Variants in CCDC61 observed in about 807,000 individuals in gnomAD.
The protein encoded by CCDC61 is centrosomal protein CCDC61.
Under a neutral mutation model 63.0 loss-of-function variants are expected in CCDC61, and 55 were observed. The observed-to-expected ratio is 0.87, with a 90% CI of 0.70 to 1.09. CCDC61 has a LOEUF of 1.09. CCDC61 is among the 50% of genes least tolerant of loss of function. The pLI, the probability that CCDC61 is intolerant of heterozygous loss-of-function variation, is 0.00. For synonymous variants in CCDC61, 270 were observed against 317.0 expected (o/e 0.85, Z 1.58); for missense variants, 651 against 731.4 (o/e 0.89, Z 1.27).
intron 5 of CCDC61, among the ~76,000 whole-genome samples, chr19:46,014,103 ACATT>A (rs1364208393): frequency 6.6e-6 from 1 of 152,116 alleles, no homozygotes; most frequent in Non-Finnish European, 1.5e-5. Flanking sequence ...AAAAGAGGGT[ACATT>A]CAGAGAGGTC....
intron 3 of CCDC61, among the ~76,000 whole-genome samples, chr19:46,004,021 C>A (rs1968648483): frequency 6.6e-6 from 1 of 152,068 alleles, no homozygotes; most frequent in Non-Finnish European, 1.5e-5. Context: ...TCACTGCAAC[C>A]TCCGCCTCCC....
At chr19:46,004,183 A>C (rs1031684090) in intron 3 of CCDC61, among the ~76,000 whole-genome samples, 5 of 151,136 alleles carry the variant, frequency 3.3e-5, no homozygotes, top group Admixed American at 6.6e-5. Flanking sequence ...CAGGTGATCC[A>C]CCCGCCTCTG....
intron 1 of CCDC61, among the ~76,000 whole-genome samples, chr19:45,998,792 CTTA>C (rs1968538900): frequency 6.6e-6 from 1 of 152,180 alleles, no homozygotes; most frequent in Non-Finnish European, 1.5e-5. Flanking sequence ...GGTAGGAGCT[CTTA>C]TTATCCCGCT....
intron 1 of CCDC61, among the ~76,000 whole-genome samples, chr19:45,997,016 T>C (rs1415393531): frequency 1.3e-5 from 2 of 152,170 alleles, no homozygotes; most frequent in Admixed American, 6.5e-5. Context: ...CCCCAACCTA[T>C]TGGGTTCCTC....
chr19:46,018,163 C>T lies in CCDC61; in HGVS notation c.1441+13C>T. On this transcript the variant is annotated intron_variant, in intron 13 of 13. Transcript: ENST00000595358. This position sits in a 1 kb window ranked among gnomAD's most constrained non-coding sequence, Gnocchi z 4.2. ...GTCCCCATCAAAGGTGAGCCTGGGA[C>T]TCCACATCCCCTCTCCCAGCCCCAG... The T allele has an allele frequency of 6.3e-7, 1 of 1,597,654 alleles. No homozygotes were observed.
Position 46,010,431 on chromosome 19 carries a change from G to A in CCDC61, c.551+2130G>A, listed in dbSNP as rs115655288. Among the ~76,000 whole-genome samples, 497 of 152,334 alleles carry A rather than the reference G, an allele frequency of 3.3e-3. 3 individuals carry two copies. Among genetic ancestry groups the A allele is most frequent in the African/African-American group, 0.012 (489 of 41,574 alleles). On this transcript the variant is annotated intron_variant, in intron 5 of 13. Transcript: ENST00000595358. ...GCCAGGGCTGGTGCTAGGAAGGAAA[G>A]GTATAGAGGGCTGGGAGAGCGGAGA...
chr19:45,999,032 C>A (rs1968543458), intron 1 of CCDC61, among the ~76,000 whole-genome samples: 1 of 152,132 alleles, frequency 6.6e-6, no homozygotes, highest in Admixed American at 6.5e-5. Flanking sequence ...ATGGTGGGAT[C>A]CTAGACAAGC....
At chr19:46,003,551 G>A (rs10416563) in intron 3 of CCDC61, 50 bp downstream of exon 3, 187,195 of 1,274,366 alleles carry the variant, frequency 0.15, 22,999 homozygotes, top group Middle Eastern at 0.2. Flanking sequence ...CTGTCTTCCA[G>A]GTTCCAGGGG....
chr19:46,017,848 C>T (rs1475545246), intron 12 of CCDC61, among the ~76,000 whole-genome samples: 3 of 152,052 alleles, frequency 2.0e-5, no homozygotes, highest in Non-Finnish European at 4.4e-5. Flanking sequence ...CCTCTCTGTA[C>T]CTTAGTTTTT....
chr19:46,001,144 A>G (rs188961676), intron 1 of CCDC61, among the ~76,000 whole-genome samples: 367 of 152,228 alleles, frequency 2.4e-3, no homozygotes, highest in Non-Finnish European at 3.4e-3. Context: ...GGGCGGGGCC[A>G]GTGCTGCCAC....
chr19:46,011,321 AT>A (rs1968825547), intron 5 of CCDC61, among the ~76,000 whole-genome samples: 1 of 152,100 alleles, frequency 6.6e-6, no homozygotes, highest in Admixed American at 6.6e-5. Context: ...AAGTGCTGAG[AT>A]TACAGGCACG....
chr19:46,017,100 T>C, intron 11 of CCDC61, 31 bp downstream of exon 11: 1 of 1,599,728 alleles, frequency 6.3e-7, no homozygotes, highest in South Asian at 1.1e-5. Context: ...AAGGATCGCC[T>C]CCAAAGGGTT....
At chr19:46,014,988 A>G in intron 5 of CCDC61, 61 bp from the exon 6 acceptor site, 4 of 1,359,022 alleles carry the variant, frequency 2.9e-6, no homozygotes, top group Non-Finnish European at 3.9e-6. Context: ...TCCCACCCCC[A>G]TGGAGTAGTG....
intron 3 of CCDC61, 53 bp from the exon 4 acceptor site, chr19:46,006,506 T>C: frequency 6.8e-7 from 1 of 1,466,660 alleles, no homozygotes; most frequent in Admixed American, 2.4e-5. Context: ...CTAGGTGCCC[T>C]CCGTGTGGCA....
In CCDC61 at chr19:46,016,552, G is replaced by A. The variant is rs561317821; in HGVS notation, c.1092-142G>A. The A allele has an allele frequency of 3.5e-6, 5 of 1,409,600 alleles. No individual in the cohort carries two copies. Among genetic ancestry groups the A allele is most frequent in the Non-Finnish European group, 4.9e-6 (5 of 1,029,632 alleles). 87.3% of individuals were successfully genotyped at this position (1,409,600 alleles called of 1,614,324 possible). On this transcript the variant is annotated intron_variant, in intron 9 of 13. Coordinates refer to ENST00000595358, the MANE Select transcript of CCDC61 (RefSeq NM_001267723.2). The surrounding 1 kb of genome is among the most constrained non-coding windows in gnomAD (Gnocchi z 7.2). ...TCCCTTCCGTCCGTCCTACCTCCTCGTCTGTGTTTCTGCGTGCTTTCCGCT... is the reference window on the plus strand; with the variant it reads ...TCCCTTCCGTCCGTCCTACCTCCTCATCTGTGTTTCTGCGTGCTTTCCGCT...
intron 1 of CCDC61, among the ~76,000 whole-genome samples, chr19:45,996,021 T>A (rs1189748630): frequency 6.6e-6 from 1 of 152,216 alleles, no homozygotes; most frequent in African/African-American, 2.4e-5. Context: ...GAATTAACTC[T>A]TAAACTTACT....
chr19:46,012,400 C>T (rs189617859), intron 5 of CCDC61, among the ~76,000 whole-genome samples: 2,178 of 152,320 alleles, frequency 0.014, 21 homozygotes, highest in Middle Eastern at 0.027. Flanking sequence ...AATCCCAGCA[C>T]TTTGGGAGGC....
chr19:46,007,008 T>G (rs1253187482), intron 4 of CCDC61, among the ~76,000 whole-genome samples: 1 of 151,764 alleles, frequency 6.6e-6, no homozygotes, highest in Non-Finnish European at 1.5e-5. Context: ...GGACTCAAGC[T>G]CTTTCTTTTT....
chr19:46,010,449 A>T (rs1327420408), intron 5 of CCDC61, among the ~76,000 whole-genome samples: 1 of 152,132 alleles, frequency 6.6e-6, no homozygotes, highest in Non-Finnish European at 1.5e-5. Flanking sequence ...GGGCTGGGAG[A>T]GCGGAGAACG....
Sources: gnomAD v4.1 joint callset for allele counts (sites outside exome capture counted in the v4.1 genomes callset) on GRCh38, gnomAD v4.1.1 for gene constraint, Gnocchi (gnomAD v3.1) non-coding constraint, MANE v1.5 for transcripts, NCBI Gene and HGNC (gene_info 2026-07-23, HGNC 2026-07-21) for gene names.